The following FRMD3 variants were observed in gnomAD, a reference collection of about 807,000 sequenced individuals.
FRMD3 encodes the protein FERM domain-containing protein 3.
FRMD3 carries 33 observed loss-of-function variants against 70.2 expected under a neutral mutation model. The observed-to-expected ratio is 0.47, with a 90% CI of 0.36 to 0.63. The LOEUF (loss-of-function observed/expected upper bound fraction) is 0.63, where lower values mean the gene tolerates loss of function less well. Ranked by LOEUF, FRMD3 falls within the 20% of genes least tolerant of loss-of-function variation. The probability of loss-of-function intolerance (pLI) is 0.00; values close to 1 mark genes in which losing one functional copy is unlikely to be tolerated. For missense variants in FRMD3, 632 were observed against 711.4 expected, an observed-to-expected ratio of 0.89 and a Z score of 1.27; for synonymous variants, 279 against 255.9, an observed-to-expected ratio of 1.09 and a Z score of -0.86.
At chr9:83,487,931 G>C (rs1828723516) in intron 1 of FRMD3, among the ~76,000 whole-genome samples, 1 of 152,162 alleles carries the variant, frequency 6.6e-6, no homozygotes, top group Non-Finnish European at 1.5e-5. Context: ...GTTCATCACA[G>C]TGATGTTAAG....
intron 1 of FRMD3, among the ~76,000 whole-genome samples, chr9:83,465,505 C>T (rs1253889073): frequency 1.3e-5 from 2 of 152,226 alleles, no homozygotes; most frequent in African/African-American, 2.4e-5. Context: ...ACAGATTCCA[C>T]ACAAATCCTT....
chr9:83,547,956 T>C, the FRMD3 span, among the ~76,000 whole-genome samples: 1 of 152,150 alleles, frequency 6.6e-6, no homozygotes, highest in Non-Finnish European at 1.5e-5. Flanking sequence ...GGCAAATAAG[T>C]ATATGAAACA....
At chr9:83,409,564 C>G (rs903191231) in intron 1 of FRMD3, among the ~76,000 whole-genome samples, 3 of 152,336 alleles carry the variant, frequency 2.0e-5, no homozygotes, top group East Asian at 3.9e-4. Flanking sequence ...AAATTGGCCA[C>G]AGCAAATGCT....
intron 1 of FRMD3, among the ~76,000 whole-genome samples, chr9:83,477,324 A>G (rs192643062): frequency 7.9e-5 from 12 of 152,300 alleles, no homozygotes; most frequent in Non-Finnish European, 1.6e-4. Context: ...AACCACATTC[A>G]GAATTATTTG....
rs150839431 is a variant in FRMD3 at position 83,324,844 on chromosome 9, T to C, written c.596+10672A>G. Among the ~76,000 whole-genome samples the C allele has an allele frequency of 3.1e-3, 466 of 152,318 alleles. 1 individual carries two copies. The highest frequency in any genetic ancestry group is 0.011 in the African/African-American group (444 of 41,574). On this transcript the variant is annotated intron_variant, in intron 6 of 13. Transcript: ENST00000304195. ...AATTGGCATTTGCCCTCACTAGTCA[T>C]GTATGGGCAAACGCAGGATGCAAAT... is the stretch of plus-strand genomic sequence containing the variant.
At chr9:83,447,523 G>A (rs532006561) in intron 1 of FRMD3, among the ~76,000 whole-genome samples, 6 of 152,286 alleles carry the variant, frequency 3.9e-5, no homozygotes, top group African/African-American at 9.6e-5. Flanking sequence ...CCGTAGGCCC[G>A]AGGCACTGTG....
chr9:83,290,083 A>G (rs1038874890), intron 13 of FRMD3, among the ~76,000 whole-genome samples: 1 of 152,188 alleles, frequency 6.6e-6, no homozygotes, highest in Non-Finnish European at 1.5e-5. Flanking sequence ...ACGAGTGTAG[A>G]GATACTTGTG....
At chr9:83,564,559 C>T in the FRMD3 span, among the ~76,000 whole-genome samples, 1 of 152,182 alleles carries the variant, frequency 6.6e-6, no homozygotes, top group East Asian at 1.9e-4. Flanking sequence ...AATCAAAAAA[C>T]TGAGTCCGTT....
Position 83,335,622 on chromosome 9 carries a change from C to G in FRMD3, c.490G>C (p.Asp164His). The change falls in exon 6 of 14, where the codon GAT (aspartate) becomes CAT (histidine). Residue 164 changes from aspartate to histidine, a missense_variant. Around this residue, in one of 3 missense-constraint regions of FRMD3, gnomAD observed 208 missense variants for 247.7 expected, o/e 0.84. Coordinates refer to ENST00000304195, the MANE Select transcript of FRMD3 (RefSeq NM_174938.6). ...CIVQAELGDY[D>H]PDEHPENYIS... Reference sequence around the variant, plus strand: ...TAATTCTCAGGATGCTCATCAGGATCGTAATCACCAAGCTCAGCTGTAATG... The same window carrying G: ...TAATTCTCAGGATGCTCATCAGGATGGTAATCACCAAGCTCAGCTGTAATG... 6.2e-7 allele frequency: 1 copy of G among 1,612,670 alleles called. No individual in the cohort carries two copies. Among genetic ancestry groups the G allele is most frequent in the Middle Eastern group, 1.7e-4 (1 of 6,052 alleles).
chr9:83,423,885 G>C (rs553475968), intron 1 of FRMD3, among the ~76,000 whole-genome samples: 1 of 151,988 alleles, frequency 6.6e-6, no homozygotes, highest in Admixed American at 6.5e-5. Context: ...CATGAGCCGC[G>C]GCCCCGAGCT....
At chr9:83,383,991 T>C (rs1587800161) in intron 2 of FRMD3, among the ~76,000 whole-genome samples, 1 of 152,212 alleles carries the variant, frequency 6.6e-6, no homozygotes, top group Non-Finnish European at 1.5e-5. Context: ...CCCAAATGCA[T>C]CAGTGTTCAT....
chr9:83,578,834 G>C, the FRMD3 span, among the ~76,000 whole-genome samples: 1 of 151,854 alleles, frequency 6.6e-6, no homozygotes, highest in Admixed American at 6.6e-5. Context: ...TTAGGCAAGA[G>C]AAAGAAATAA....
chr9:83,331,988 T>A, intron 6 of FRMD3: 1 of 681,202 alleles, frequency 1.5e-6, no homozygotes, highest in Non-Finnish European at 2.7e-6. Flanking sequence ...CTTTTCCTTG[T>A]GGCTCAACAT....
intron 1 of FRMD3, among the ~76,000 whole-genome samples, chr9:83,485,094 G>A (rs914291636): frequency 3.9e-5 from 6 of 152,204 alleles, no homozygotes; most frequent in African/African-American, 1.4e-4. Context: ...AATTCTCTTA[G>A]AGACAACACC....
intron 1 of FRMD3, among the ~76,000 whole-genome samples, chr9:83,445,375 T>TAGAC (rs1310334537): frequency 2.6e-5 from 4 of 151,204 alleles, no homozygotes; most frequent in East Asian, 1.9e-4. Flanking sequence ...GATAGATAGA[T>TAGAC]AGATAGACAG....
the FRMD3 span, among the ~76,000 whole-genome samples, chr9:83,568,945 T>C: frequency 2.3e-5 from 3 of 128,186 alleles, no homozygotes; most frequent in Middle Eastern, 3.8e-3. Flanking sequence ...GATAGATAGA[T>C]AGATAGATAG....
At chr9:83,310,436 C>T (rs750068662) in intron 9 of FRMD3, 49 bp downstream of exon 9, 4 of 1,425,608 alleles carry the variant, frequency 2.8e-6, no homozygotes, top group Non-Finnish European at 3.9e-6. Flanking sequence ...TCCTGAATCT[C>T]TCTCATGCAC....
chr9:83,445,461 G>A lies in FRMD3; in HGVS notation c.148-55753C>T, dbSNP rs944769726. 5.9e-5 allele frequency among the ~76,000 whole-genome samples: 9 copies of A among 152,268 alleles called. No individual in the cohort carries two copies. In the South Asian group the frequency reaches 8.3e-4, roughly 14 times the overall value. On this transcript the variant is annotated intron_variant, in intron 1 of 13. Transcript: ENST00000304195. ...CAGAAGATATGCTCCAAAGGGCACCGGAAGGGGCCTCTCTTTTTCCCACCA... is the reference window on the plus strand; with the variant it reads ...CAGAAGATATGCTCCAAAGGGCACCAGAAGGGGCCTCTCTTTTTCCCACCA...
intron 1 of FRMD3, among the ~76,000 whole-genome samples, chr9:83,420,250 G>C (rs185783711): frequency 1.7e-3 from 252 of 152,300 alleles, no homozygotes; most frequent in African/African-American, 5.8e-3. Context: ...GTGAAGAAGA[G>C]AATAATCCCC....
Sources: allele counts gnomAD v4.1 joint callset (sites outside exome capture counted in the v4.1 genomes callset), GRCh38; gene constraint gnomAD v4.1.1; regional missense constraint gnomAD v4.1.1; transcripts MANE v1.5; gene names NCBI Gene and HGNC (gene_info 2026-07-23, HGNC 2026-07-21).